The following SLC39A11 variants were observed in gnomAD, a reference collection of about 807,000 sequenced individuals.
The protein encoded by SLC39A11 is zinc transporter ZIP11.
In SLC39A11, 33 loss-of-function variants were observed where a neutral mutation model predicts 36.1. The ratio of observed to expected loss-of-function variants is 0.91; its 90% CI spans 0.69 to 1.22. SLC39A11 has a LOEUF of 1.22. Among genes scored for constraint, SLC39A11 ranks in the 50% most tolerant of loss-of-function variants. SLC39A11 has a pLI of 0.00. For missense variants in SLC39A11, 432 were observed against 430.3 expected (o/e 1.00, Z -0.03); for synonymous variants, 166 against 170.3 (o/e 0.97, Z 0.20).
intron 5 of SLC39A11, among the ~76,000 whole-genome samples, chr17:72,909,761 T>G (rs903422049): frequency 6.8e-6 from 1 of 146,482 alleles, no homozygotes; most frequent in African/African-American, 2.5e-5. Flanking sequence ...TTTTTTTTTT[T>G]TTGAGACGGA....
At chr17:72,966,537 G>A (rs1375232425) in intron 4 of SLC39A11, among the ~76,000 whole-genome samples, 1 of 151,332 alleles carries the variant, frequency 6.6e-6, no homozygotes, top group African/African-American at 2.4e-5. Flanking sequence ...GGGGGTTGAG[G>A]AAAGGAAGCT....
intron 7 of SLC39A11, among the ~76,000 whole-genome samples, chr17:72,693,910 C>T (rs1471319767): frequency 1.3e-5 from 2 of 152,186 alleles, no homozygotes; most frequent in South Asian, 2.1e-4. Flanking sequence ...GATCCACCCG[C>T]CTCGGCCTCC....
chr17:73,066,391 T>C (rs2059997646), intron 3 of SLC39A11, among the ~76,000 whole-genome samples: 1 of 152,190 alleles, frequency 6.6e-6, no homozygotes, highest in South Asian at 2.1e-4. Context: ...TAAATTGTTG[T>C]CTTAAGCTAC....
intron 5 of SLC39A11, among the ~76,000 whole-genome samples, chr17:72,861,734 T>G (rs2080035302): frequency 1.2e-5 from 1 of 85,324 alleles, no homozygotes; most frequent in South Asian, 4.0e-4. Flanking sequence ...ATACACACAT[T>G]GGAGATTATA....
intron 5 of SLC39A11, among the ~76,000 whole-genome samples, chr17:72,942,690 C>T (rs771053925): frequency 2.6e-5 from 4 of 152,120 alleles, no homozygotes; most frequent in Non-Finnish European, 5.9e-5. Flanking sequence ...TCTTTGCTTC[C>T]GTAGGCTTAG....
intron 7 of SLC39A11, among the ~76,000 whole-genome samples, chr17:72,652,092 C>T (rs2069879266): frequency 6.6e-6 from 1 of 152,236 alleles, no homozygotes; most frequent in Non-Finnish European, 1.5e-5. Flanking sequence ...TCAACTCTGA[C>T]ATTGCAGGTG....
At chr17:72,770,218 A>T (rs943010496) in intron 6 of SLC39A11, among the ~76,000 whole-genome samples, 6 of 152,376 alleles carry the variant, frequency 3.9e-5, no homozygotes, top group Non-Finnish European at 4.4e-5. Context: ...AGCCAGACAC[A>T]AAAGAACAAA....
chr17:72,671,603 C>G (rs1339079857), intron 7 of SLC39A11, among the ~76,000 whole-genome samples: 1 of 152,134 alleles, frequency 6.6e-6, no homozygotes, highest in Admixed American at 6.6e-5. Context: ...TGCCTGTAAT[C>G]TCAGCTACTC....
At chr17:72,903,117 T>C (rs1311964901) in intron 5 of SLC39A11, among the ~76,000 whole-genome samples, 2 of 151,654 alleles carry the variant, frequency 1.3e-5, no homozygotes, top group African/African-American at 4.8e-5. Context: ...ATACAAAAAA[T>C]TAGCAGGGCG....
At chr17:72,805,998 T>C (rs1226629618) in intron 6 of SLC39A11, among the ~76,000 whole-genome samples, 1 of 152,224 alleles carries the variant, frequency 6.6e-6, no homozygotes, top group East Asian at 1.9e-4. Flanking sequence ...GCTATCCACC[T>C]GCCTTGGCCT....
chr17:72,794,105 T>C (rs2076810233), intron 6 of SLC39A11, among the ~76,000 whole-genome samples: 1 of 152,096 alleles, frequency 6.6e-6, no homozygotes, highest in African/African-American at 2.4e-5. Flanking sequence ...GCTTTACCCA[T>C]CCTGAGAAAA....
At chr17:72,844,861 G>A (rs1486299965) in intron 6 of SLC39A11, among the ~76,000 whole-genome samples, 2 of 152,128 alleles carry the variant, frequency 1.3e-5, no homozygotes, top group African/African-American at 4.8e-5. Flanking sequence ...TAAAGCCCCT[G>A]GAGCTGCAGC....
At chr17:72,771,057 CTTT>C (rs4036978) in intron 6 of SLC39A11, among the ~76,000 whole-genome samples, 6 of 145,234 alleles carry the variant, frequency 4.1e-5, no homozygotes, top group African/African-American at 1.3e-4. Flanking sequence ...CATTTCTATA[CTTT>C]TTTTTTTTTT....
chr17:73,067,678 C>T (rs16977509), intron 3 of SLC39A11, among the ~76,000 whole-genome samples: 2,376 of 152,126 alleles, frequency 0.016, 53 homozygotes, highest in African/African-American at 0.049. Flanking sequence ...TGATGACTGG[C>T]GTATTAATAC....
chr17:73,069,048 C>T (rs2060081769), intron 3 of SLC39A11, among the ~76,000 whole-genome samples: 2 of 152,116 alleles, frequency 1.3e-5, no homozygotes, highest in African/African-American at 4.8e-5. Flanking sequence ...AACTATGTTG[C>T]CAACAGCCCT....
In SLC39A11 at chr17:72,905,104, C is replaced by A. The variant is rs558452760; in HGVS notation, c.430+42648G>T. On this transcript the variant is annotated intron_variant, in intron 5 of 9. Transcript: ENST00000255559. ...AGAAGAATGGCATGAACCCGGGAAG[C>A]GGAGCTTGCAGTGAGCTGAGATCGC... Among the ~76,000 whole-genome samples, 402 of 134,794 alleles carry A rather than the reference C, an allele frequency of 3.0e-3. 1 individual carries two copies. Among genetic ancestry groups the A allele is most frequent in the African/African-American group, 0.011 (392 of 35,602 alleles). 88.4% of individuals were successfully genotyped at this position (134,794 alleles called of 152,430 possible).
chr17:72,670,160 TACACACAC>T (rs202032502), intron 7 of SLC39A11, among the ~76,000 whole-genome samples: 2,351 of 104,590 alleles, frequency 0.022, 55 homozygotes, highest in African/African-American at 0.044. Context: ...ACATTTTATA[TACACACAC>T]ACACACACAC....
At chr17:72,659,574 CTTTTTTTTTTTTT>C (rs34383683) in intron 7 of SLC39A11, among the ~76,000 whole-genome samples, 1 of 61,174 alleles carries the variant, frequency 1.6e-5, no homozygotes, top group South Asian at 9.7e-4. Flanking sequence ...CTCTGTGACT[CTTTTTTTTTTTTT>C]TTTTTTTTTT....
chr17:72,684,243 G>C (rs2071637638), intron 7 of SLC39A11, among the ~76,000 whole-genome samples: 1 of 152,148 alleles, frequency 6.6e-6, no homozygotes, highest in South Asian at 2.1e-4. Context: ...CACCATACCA[G>C]AGGTCAGCAG....
Sources: gnomAD v4.1 joint callset for allele counts (sites outside exome capture counted in the v4.1 genomes callset) on GRCh38, gnomAD v4.1.1 for gene constraint, MANE v1.5 for transcripts, NCBI Gene and HGNC (gene_info 2026-07-23, HGNC 2026-07-21) for gene names.